The following PGM5 variants were observed in gnomAD, a reference collection of about 807,000 sequenced individuals.
The protein encoded by PGM5 is phosphoglucomutase-like protein 5.
Under a neutral mutation model 59.2 loss-of-function variants are expected in PGM5, and 23 were observed. The observed-to-expected ratio is 0.39, with a 90% CI of 0.28 to 0.55. The LOEUF is 0.55. Among genes scored for constraint, PGM5 ranks in the 20% least tolerant of loss-of-function variants. PGM5 has a pLI of 0.66. For missense variants in PGM5, 574 were observed against 748.3 expected (o/e 0.77, Z 2.72); for synonymous variants, 214 against 286.0 (o/e 0.75, Z 2.54).
At chr9:68,413,582 T>C (rs1822972289) in intron 6 of PGM5, among the ~76,000 whole-genome samples, 1 of 152,256 alleles carries the variant, frequency 6.6e-6, no homozygotes, top group East Asian at 1.9e-4. Flanking sequence ...GTAAAGTTTG[T>C]ATCTGACACT....
At chr9:68,453,150 ATTTGGT>A (rs1476964730) in intron 6 of PGM5, among the ~76,000 whole-genome samples, 1 of 152,202 alleles carries the variant, frequency 6.6e-6, no homozygotes, top group African/African-American at 2.4e-5. Flanking sequence ...TGAAATGAGC[ATTTGGT>A]TTTGAAATAT....
intron 10 of PGM5, among the ~76,000 whole-genome samples, chr9:68,499,892 C>T (rs1295557159): frequency 6.6e-6 from 1 of 152,148 alleles, no homozygotes; most frequent in Non-Finnish European, 1.5e-5. Flanking sequence ...GGCAAAGTCT[C>T]CTCATGTTTT....
At chr9:68,503,230 A>G (rs1554688776) in intron 10 of PGM5, among the ~76,000 whole-genome samples, 1 of 152,236 alleles carries the variant, frequency 6.6e-6, no homozygotes, top group Non-Finnish European at 1.5e-5. Flanking sequence ...CAACAGGGTT[A>G]CACCCCAATA....
intron 7 of PGM5, chr9:68,466,124 C>A: frequency 7.7e-7 from 1 of 1,294,448 alleles, no homozygotes; most frequent in Non-Finnish European, 1.0e-6. Context: ...ATTCATTTTT[C>A]TGATTTATTT....
At chr9:68,465,313 G>A (rs1587818939) in intron 7 of PGM5, 105 bp downstream of exon 7, 1 of 743,434 alleles carries the variant, frequency 1.3e-6, no homozygotes, top group Non-Finnish European at 2.3e-6. Context: ...GAACAGTTAA[G>A]TAGAGGCAAA....
chr9:68,454,370 A>G (rs1823740339), intron 6 of PGM5, among the ~76,000 whole-genome samples: 1 of 152,176 alleles, frequency 6.6e-6, no homozygotes. Flanking sequence ...CTCAGTTTTG[A>G]GTGTGCCATC....
At chr9:68,457,511 G>A (rs782537178) in intron 6 of PGM5, among the ~76,000 whole-genome samples, 67 of 152,318 alleles carry the variant, frequency 4.4e-4, no homozygotes, top group Non-Finnish European at 8.8e-4. Flanking sequence ...CTTTTAGAGT[G>A]AGTATCCATT....
At chr9:68,461,665 A>G (rs1187448027) in intron 6 of PGM5, among the ~76,000 whole-genome samples, 3 of 152,278 alleles carry the variant, frequency 2.0e-5, no homozygotes, top group East Asian at 1.9e-4. Flanking sequence ...TGCCATGTGC[A>G]GCAAGAAGGC....
chr9:68,461,724 T>C (rs982982036), intron 6 of PGM5, among the ~76,000 whole-genome samples: 7 of 151,994 alleles, frequency 4.6e-5, no homozygotes, highest in African/African-American at 1.7e-4. Flanking sequence ...TCCTAACCTC[T>C]AGAACTGTGG....
chr9:68,372,678 A>G (rs1554677268), intron 1 of PGM5, among the ~76,000 whole-genome samples: 1 of 152,164 alleles, frequency 6.6e-6, no homozygotes, highest in African/African-American at 2.4e-5. Context: ...GGTAATTTAC[A>G]AAGAAAAGAA....
rs60591790 is a variant in PGM5 at position 68,524,707 on chromosome 9, T to A, written c.1615-4860T>A. 1.1e-4 allele frequency among the ~76,000 whole-genome samples: 16 copies of A among 152,284 alleles called. No homozygotes were observed. In the South Asian group the frequency reaches 2.7e-3, roughly 26 times the overall value. ...CTGATGTGGGACTCATCTGGTCCAA[T>A]AGGGTTGCAATCCCATGATTTCCCT... On this transcript the variant is annotated intron_variant, in intron 10 of 10. Transcript: ENST00000396396.
At position 68,483,978 on chromosome 9, in the gene PGM5, T is replaced by G. The variant is rs1554687360; in HGVS notation, c.1409T>G (p.Val470Gly). The part of the protein sequence containing the change: ...IGQQFAVGSH[V>G]YSVAKTDSFE... ...CAGCAGTTTGCTGTGGGGAGCCATG[T>G]CTACAGCGTGGCGAAGACGGATAGT... Residue 470 changes from valine to glycine, a missense_variant, in exon 9 of 11, where the codon GTC (valine) becomes GGC (glycine). By Grantham distance (109) the Val-to-Gly change is moderately radical. This residue lies in a region of PGM5 where 300 missense variants were observed against 280.0 expected (regional missense o/e 1.07). Coordinates refer to ENST00000396396, the MANE Select transcript of PGM5 (RefSeq NM_021965.4). The G allele has an allele frequency of 1.1e-5, 18 of 1,614,058 alleles. No individual in the cohort carries two copies. The highest frequency in any genetic ancestry group is 1.5e-5 in the Non-Finnish European group (18 of 1,179,970).
intron 6 of PGM5, among the ~76,000 whole-genome samples, chr9:68,457,290 T>G (rs1823793655): frequency 6.6e-6 from 1 of 152,204 alleles, no homozygotes; most frequent in Non-Finnish European, 1.5e-5. Context: ...TCCCCCCTCA[T>G]AGAACATGGG....
Position 68,362,959 on chromosome 9 carries a change from C to A in PGM5, c.261+5571C>A, listed in dbSNP as rs560499187. Among the ~76,000 whole-genome samples, 5 of 149,190 alleles carry A rather than the reference C, an allele frequency of 3.4e-5. No homozygotes were observed. The East Asian group carries it at 1.0e-3, about 30-fold the overall frequency. ...TCTTGGCTCACTAGAACTTCCGCCT[C>A]CTGGGTTCCAGTGATTCTCCCAACT... On this transcript the variant is annotated intron_variant, in intron 1 of 10. Coordinates refer to ENST00000396396, the MANE Select transcript of PGM5 (RefSeq NM_021965.4).
At chr9:68,442,213 A>G (rs150448216) in intron 6 of PGM5, among the ~76,000 whole-genome samples, 444 of 152,380 alleles carry the variant, frequency 2.9e-3, no homozygotes, top group Non-Finnish European at 4.5e-3. Flanking sequence ...CTAAATTTAT[A>G]TTGAAAGGCA....
chr9:68,515,158 G>A (rs1824806699), intron 10 of PGM5, among the ~76,000 whole-genome samples: 1 of 152,232 alleles, frequency 6.6e-6, no homozygotes. Flanking sequence ...AAATATGTTA[G>A]GTTAAATGGC....
chr9:68,358,739 TG>T (rs1554676018), intron 1 of PGM5, among the ~76,000 whole-genome samples: 2 of 152,028 alleles, frequency 1.3e-5, no homozygotes, highest in African/African-American at 4.8e-5. Context: ...GTTGCAGGGA[TG>T]GGGAAAGAGG....
chr9:68,486,892 C>T (rs563820141), intron 9 of PGM5, among the ~76,000 whole-genome samples: 1 of 152,292 alleles, frequency 6.6e-6, no homozygotes, highest in African/African-American at 2.4e-5. Flanking sequence ...TTCCTGCCAA[C>T]AGTATATGAG....
At chr9:68,478,393 G>A (rs1824139068) in intron 7 of PGM5, among the ~76,000 whole-genome samples, 2 of 152,206 alleles carry the variant, frequency 1.3e-5, no homozygotes, top group South Asian at 4.1e-4. Context: ...ATCTTGGCAT[G>A]TCTGACTTCT....
Sources: gnomAD v4.1 joint callset for allele counts (sites outside exome capture counted in the v4.1 genomes callset) on GRCh38, gnomAD v4.1.1 for gene constraint, gnomAD v4.1.1 regional missense constraint, MANE v1.5 for transcripts, NCBI Gene and HGNC (gene_info 2026-07-23, HGNC 2026-07-21) for gene names.